The following DERA variants were observed in gnomAD, a reference collection of about 807,000 sequenced individuals.
DERA encodes the protein 2-deoxy-D-ribose 5-phosphate aldolase.
A neutral mutation model predicts 41.1 loss-of-function variants in DERA; 15 were observed. The observed-to-expected ratio is 0.37, with a 90% CI of 0.24 to 0.56. The LOEUF is 0.56. Ranked by LOEUF, DERA falls within the 20% of genes least tolerant of loss-of-function variation. The pLI is 0.81. For missense variants in DERA, 396 were observed against 403.4 expected (o/e 0.98, Z 0.16); for synonymous variants, 139 against 137.4 (o/e 1.01, Z -0.08).
intron 6 of DERA, among the ~76,000 whole-genome samples, chr12:16,025,367 C>T (rs1014507464): frequency 6.6e-6 from 1 of 151,988 alleles, no homozygotes; most frequent in African/African-American, 2.4e-5. Context: ...AAAGATGCAC[C>T]ATGCTAACAC....
At chr12:15,917,276 G>A (rs1162866949) in intron 1 of DERA, among the ~76,000 whole-genome samples, 1 of 152,186 alleles carries the variant, frequency 6.6e-6, no homozygotes, top group South Asian at 2.1e-4. Context: ...TTTGACTCTA[G>A]CTCTTAGCTC....
intron 1 of DERA, among the ~76,000 whole-genome samples, chr12:15,951,629 A>G (rs1228301505): frequency 2.0e-5 from 3 of 152,230 alleles, no homozygotes; most frequent in African/African-American, 4.8e-5. Flanking sequence ...AAGATAATGC[A>G]TGCTCTTTGT....
At chr12:16,016,842 A>C (rs1948986212) in intron 6 of DERA, among the ~76,000 whole-genome samples, 1 of 147,922 alleles carries the variant, frequency 6.8e-6, no homozygotes, top group Admixed American at 6.8e-5. Context: ...ACTTAAACCC[A>C]CTCTAAAAAT....
In DERA at chr12:15,928,711, C is replaced by G. The variant is rs1288496032; in HGVS notation, c.31+17297C>G. Among the ~76,000 whole-genome samples, 1 of 152,198 alleles carries G rather than the reference C, an allele frequency of 6.6e-6. No individual in the cohort carries two copies. Among genetic ancestry groups the G allele is most frequent in the African/African-American group, 2.4e-5 (1 of 41,442 alleles). ...TGGGAGAAGAATAGAAAATTCGGCTCTCACTAAAGTGTGAAAGCCTATTGG... is the reference window on the plus strand; with the variant it reads ...TGGGAGAAGAATAGAAAATTCGGCTGTCACTAAAGTGTGAAAGCCTATTGG... On this transcript the variant is annotated intron_variant, in intron 1 of 8. Transcript: ENST00000428559. The surrounding 1 kb of genome is among the most constrained non-coding windows in gnomAD (Gnocchi z 4.6).
chr12:15,930,612 A>G (rs921307491), intron 1 of DERA, among the ~76,000 whole-genome samples: 1 of 152,160 alleles, frequency 6.6e-6, no homozygotes, highest in Non-Finnish European at 1.5e-5. Context: ...CAAAATAGAC[A>G]TTGGTTTCAG....
chr12:15,996,308 T>C lies in DERA; in HGVS notation c.637+13872T>C, dbSNP rs1459619625. 6.6e-6 allele frequency among the ~76,000 whole-genome samples: 1 copy of C among 152,040 alleles called. No individual in the cohort carries two copies. Among genetic ancestry groups the C allele is most frequent in the Non-Finnish European group, 1.5e-5 (1 of 68,008 alleles). On this transcript the variant is annotated intron_variant, in intron 6 of 8. Transcript: ENST00000428559. This position sits in a 1 kb window ranked among gnomAD's most constrained non-coding sequence, Gnocchi z 4.7. ...CTGTAACAGAGTACCGCAAATTAGA[T>C]GGCCTTAAGCAACAGAAATGTGTTC...
intron 1 of DERA, among the ~76,000 whole-genome samples, chr12:15,947,658 A>G (rs1054697284): frequency 3.3e-5 from 5 of 152,008 alleles, no homozygotes; most frequent in African/African-American, 9.7e-5. Context: ...TTGACTCTTT[A>G]TCCAATTTGC....
chr12:16,028,700 A>G (rs749960924), intron 6 of DERA, among the ~76,000 whole-genome samples: 2 of 152,228 alleles, frequency 1.3e-5, no homozygotes, highest in African/African-American at 2.4e-5. Context: ...ACATAATGTG[A>G]TTAACATAGC....
intron 6 of DERA, among the ~76,000 whole-genome samples, chr12:16,030,571 C>T (rs867548036): frequency 6.6e-6 from 1 of 152,166 alleles, no homozygotes; most frequent in African/African-American, 2.4e-5. Context: ...AATGCTATAT[C>T]TGCACATTTC....
chr12:15,960,266 CTATA>C (rs750133124), intron 4 of DERA, among the ~76,000 whole-genome samples: 6 of 149,238 alleles, frequency 4.0e-5, no homozygotes, highest in Non-Finnish European at 7.4e-5. Context: ...TACATATTAA[CTATA>C]TATATAACTA....
intron 1 of DERA, among the ~76,000 whole-genome samples, chr12:15,930,843 A>C (rs543059185): frequency 6.6e-6 from 1 of 152,244 alleles, no homozygotes; most frequent in East Asian, 1.9e-4. Flanking sequence ...TTCATGGTAA[A>C]GTATAAATGA....
chr12:15,929,022 C>T (rs987541448), intron 1 of DERA, among the ~76,000 whole-genome samples: 10 of 152,186 alleles, frequency 6.6e-5, no homozygotes, highest in Non-Finnish European at 1.3e-4. Context: ...AGCACTGGCT[C>T]AGCCACGTGA....
rs985489364 is a variant in DERA, at chr12:15,972,838, T to C, written c.509-9470T>C. Among the ~76,000 whole-genome samples, 1 of 152,144 alleles carries C rather than the reference T, an allele frequency of 6.6e-6. No homozygotes were observed. Among genetic ancestry groups the C allele is most frequent in the African/African-American group, 2.4e-5 (1 of 41,432 alleles). ...ATCTAGTGCTGGACTTGGAAGTTAA[T>C]CTTAAATAAAGAAAACTAAAATGCT... On this transcript the variant is annotated intron_variant, in intron 5 of 8. Transcript: ENST00000428559. This position sits in a 1 kb window ranked among gnomAD's most constrained non-coding sequence, Gnocchi z 4.4.
rs1948179020 is a variant in DERA at position 15,913,574 on chromosome 12, A to G, written c.31+2160A>G. The stretch of plus-strand genomic sequence containing the variant: ...AATTCATGGTTATTGTAAAAATTCT[A>G]GAAAATACAGTTAGCACAAAAATGT... On this transcript the variant is annotated intron_variant, in intron 1 of 8. Coordinates refer to ENST00000428559, the MANE Select transcript of DERA (RefSeq NM_015954.4). The surrounding 1 kb of genome is among the most constrained non-coding windows in gnomAD (Gnocchi z 4.5). Among the ~76,000 whole-genome samples the G allele has an allele frequency of 1.3e-5, 2 of 152,212 alleles. No individual in the cohort carries two copies. Among genetic ancestry groups the G allele is most frequent in the Admixed American group, 1.3e-4 (2 of 15,278 alleles).
Position 15,943,309 on chromosome 12 carries a change from T to G in DERA, c.32-13627T>G, listed in dbSNP as rs1341704755. On this transcript the variant is annotated intron_variant, in intron 1 of 8. Transcript: ENST00000428559. The surrounding 1 kb of genome is among the most constrained non-coding windows in gnomAD (Gnocchi z 4.5). ...AGAAAAGCAATAGTCAGTTGATTGA[T>G]GAGATTTTGACCCCCTCCACTGTAT... Among the ~76,000 whole-genome samples, 1 of 152,188 alleles carries G rather than the reference T, an allele frequency of 6.6e-6. No homozygotes were observed. Among genetic ancestry groups the G allele is most frequent in the Non-Finnish European group, 1.5e-5 (1 of 68,030 alleles).
chr12:16,029,230 A>C (rs552375409), intron 6 of DERA, among the ~76,000 whole-genome samples: 5 of 152,200 alleles, frequency 3.3e-5, no homozygotes, highest in Admixed American at 1.3e-4. Flanking sequence ...GTCGGGAGAT[A>C]GAGACCACGG....
chr12:15,932,652 A>C (rs1029811043), intron 1 of DERA, among the ~76,000 whole-genome samples: 5 of 151,760 alleles, frequency 3.3e-5, no homozygotes, highest in African/African-American at 4.9e-5. Context: ...AAAAAAAAAA[A>C]GTTTCACTAT....
At chr12:15,974,770 C>G (rs1948686181) in intron 5 of DERA, among the ~76,000 whole-genome samples, 2 of 152,030 alleles carry the variant, frequency 1.3e-5, no homozygotes, top group South Asian at 4.1e-4. Context: ...TCAGCTATTA[C>G]TCTGATTTTC....
intron 6 of DERA, among the ~76,000 whole-genome samples, chr12:16,005,384 G>A (rs750751203): frequency 8.5e-5 from 13 of 152,150 alleles, no homozygotes; most frequent in African/African-American, 1.7e-4. Context: ...ACAGGAGTTC[G>A]AGGCTGCAGT....
Sources: gnomAD v4.1 joint callset for allele counts (sites outside exome capture counted in the v4.1 genomes callset) on GRCh38, gnomAD v4.1.1 for gene constraint, Gnocchi (gnomAD v3.1) non-coding constraint, MANE v1.5 for transcripts, NCBI Gene and HGNC (gene_info 2026-07-23, HGNC 2026-07-21) for gene names.